The following PRKCA variants were observed in gnomAD, a reference collection of about 807,000 sequenced individuals.
PRKCA encodes the protein protein kinase C alpha.
In PRKCA, 27 loss-of-function variants were observed where a neutral mutation model predicts 87.0. The observed-to-expected ratio is 0.31, with a 90% CI of 0.23 to 0.43. The LOEUF (loss-of-function observed/expected upper bound fraction) is 0.43, where lower values mean the gene tolerates loss of function less well. PRKCA is among the 20% of genes least tolerant of loss of function. PRKCA has a pLI of 1.00. For missense variants in PRKCA, 518 were observed against 852.3 expected (o/e 0.61, Z 4.88); for synonymous variants, 329 against 311.1 (o/e 1.06, Z -0.61).
At chr17:66,716,994 C>A (rs758903299) in intron 8 of PRKCA, among the ~76,000 whole-genome samples, 3 of 152,150 alleles carry the variant, frequency 2.0e-5, no homozygotes, top group Non-Finnish European at 2.9e-5. Flanking sequence ...TGTATGGCTG[C>A]AAAATTTCCT....
At position 66,474,581 on chromosome 17, in the gene PRKCA, A is replaced by G. The variant is rs142730737; in HGVS notation, c.206-21620A>G. On this transcript the variant is annotated intron_variant, in intron 2 of 16. Transcript: ENST00000413366. ...GACCAAGTTTGCTGCTTCAAGATCCATATTCCACCTTCAGCTGTAAAATGT... is the reference window on the plus strand; with the variant it reads ...GACCAAGTTTGCTGCTTCAAGATCCGTATTCCACCTTCAGCTGTAAAATGT... Among the ~76,000 whole-genome samples, 19 of 152,346 alleles carry G rather than the reference A, an allele frequency of 1.2e-4. 1 individual carries two copies. Among genetic ancestry groups the G allele is most frequent in the Middle Eastern group, 3.4e-3 (1 of 294 alleles).
intron 3 of PRKCA, among the ~76,000 whole-genome samples, chr17:66,527,693 C>G (rs1598742589): frequency 6.6e-6 from 1 of 152,284 alleles, no homozygotes; most frequent in African/African-American, 2.4e-5. Context: ...GCTGTTTATT[C>G]TTCTTTCTAC....
At chr17:66,479,842 T>G (rs753134139) in intron 2 of PRKCA, among the ~76,000 whole-genome samples, 42 of 151,900 alleles carry the variant, frequency 2.8e-4, no homozygotes, top group Non-Finnish European at 5.9e-4. Flanking sequence ...CAACACACAG[T>G]GAGGCCTGTC....
chr17:66,731,330 C>T (rs1973881537), intron 8 of PRKCA, among the ~76,000 whole-genome samples: 1 of 119,398 alleles, frequency 8.4e-6, no homozygotes, highest in African/African-American at 3.4e-5. Flanking sequence ...GCCTGGGCAA[C>T]AAGAGCAAAA....
rs57941055 is a variant in PRKCA, at chr17:66,694,480, C to CAAA, written c.918+5458_918+5460dup. On this transcript the variant is annotated intron_variant, in intron 8 of 16. Coordinates refer to ENST00000413366, the MANE Select transcript of PRKCA (RefSeq NM_002737.3). ...TGGGCGACAGAGCGAGACTCTGTCT[C>CAAA]AAAAAAAAAAAAAAAAAAAAAAAAA... 5.7e-4 allele frequency among the ~76,000 whole-genome samples: 20 copies of CAAA among 35,180 alleles called. 1 individual carries two copies. Among genetic ancestry groups the CAAA allele is most frequent in the African/African-American group, 1.8e-3 (13 of 7,404 alleles). The allele number at this position is 35,180 out of a possible 152,430, so 23.1% of individuals were successfully genotyped here. A position where few individuals can be genotyped will look rare whatever the true frequency, so the allele number is the denominator to read the frequency against.
At chr17:66,619,539 A>G (rs528825405) in intron 3 of PRKCA, among the ~76,000 whole-genome samples, 31 of 152,320 alleles carry the variant, frequency 2.0e-4, no homozygotes, top group Middle Eastern at 3.4e-3. Flanking sequence ...AATATCCATT[A>G]AGGCTGGTTT....
intron 2 of PRKCA, among the ~76,000 whole-genome samples, chr17:66,329,426 G>C (rs965832918): frequency 6.6e-6 from 1 of 152,194 alleles, no homozygotes; most frequent in East Asian, 1.9e-4. Context: ...GCTGAGAGAG[G>C]CAGCCAGGAC....
At chr17:66,531,523 G>A (rs903998912) in intron 3 of PRKCA, among the ~76,000 whole-genome samples, 3 of 152,160 alleles carry the variant, frequency 2.0e-5, no homozygotes, top group Non-Finnish European at 2.9e-5. Flanking sequence ...GGATGTAGGC[G>A]ATCGCTTCCT....
chr17:66,516,888 T>C (rs376571071), intron 3 of PRKCA, among the ~76,000 whole-genome samples: 3 of 152,296 alleles, frequency 2.0e-5, no homozygotes, highest in African/African-American at 7.2e-5. Context: ...GCAGCAGTGA[T>C]GGTTCCCCTA....
At chr17:66,721,472 G>A (rs1262753741) in intron 8 of PRKCA, among the ~76,000 whole-genome samples, 1 of 151,730 alleles carries the variant, frequency 6.6e-6, no homozygotes, top group East Asian at 1.9e-4. Context: ...TATTTTTATG[G>A]TTATTTCTTG....
intron 16 of PRKCA, among the ~76,000 whole-genome samples, chr17:66,799,069 G>GGTGGTA (rs1975793506): frequency 7.6e-6 from 1 of 131,930 alleles, no homozygotes; most frequent in Non-Finnish European, 1.7e-5. Flanking sequence ...TGGTGGTGGT[G>GGTGGTA]GTGGTGGTGG....
chr17:66,751,140 T>C (rs749843659), intron 13 of PRKCA, among the ~76,000 whole-genome samples: 5 of 152,256 alleles, frequency 3.3e-5, no homozygotes, highest in Non-Finnish European at 7.3e-5. Context: ...CTTTGTAACA[T>C]TGCCCAGGCG....
chr17:66,641,505 G>A (rs767212112), intron 4 of PRKCA, 39 bp downstream of exon 4: 29 of 1,480,034 alleles, frequency 2.0e-5, no homozygotes, highest in South Asian at 3.6e-5. Context: ...GCGAGGCTCT[G>A]TAGCTCATGC....
At chr17:66,683,883 A>G (rs1489683875) in intron 5 of PRKCA, among the ~76,000 whole-genome samples, 1 of 152,116 alleles carries the variant, frequency 6.6e-6, no homozygotes, top group Non-Finnish European at 1.5e-5. Context: ...TTGACTCCAC[A>G]TCTTGATCAC....
intron 3 of PRKCA, among the ~76,000 whole-genome samples, chr17:66,578,135 T>TAAA (rs1491585607): frequency 2.1e-5 from 3 of 140,406 alleles, no homozygotes; most frequent in Admixed American, 7.1e-5. Context: ...AGACTGAATT[T>TAAA]AAAACAAAAC....
At chr17:66,745,697 A>G (rs1030832342) in intron 13 of PRKCA, among the ~76,000 whole-genome samples, 2 of 152,168 alleles carry the variant, frequency 1.3e-5, no homozygotes, top group African/African-American at 4.8e-5. Flanking sequence ...AAATAAATAA[A>G]TAAATACAAT....
chr17:66,444,704 G>C (rs1913944666), intron 2 of PRKCA, among the ~76,000 whole-genome samples: 1 of 152,172 alleles, frequency 6.6e-6, no homozygotes, highest in Non-Finnish European at 1.5e-5. Context: ...ATTTCGGGGA[G>C]AATCTTCCCC....
At chr17:66,801,142 C>A (rs1975889519) in intron 16 of PRKCA, among the ~76,000 whole-genome samples, 1 of 152,198 alleles carries the variant, frequency 6.6e-6, no homozygotes, top group Non-Finnish European at 1.5e-5. Flanking sequence ...TACGGCTGCT[C>A]CTGCCTGATT....
At chr17:66,694,551 A>G (rs1972871701) in intron 8 of PRKCA, among the ~76,000 whole-genome samples, 1 of 151,626 alleles carries the variant, frequency 6.6e-6, no homozygotes, top group African/African-American at 2.4e-5. Context: ...AAGTATAATC[A>G]TAATGATTGT....
Sources: allele counts gnomAD v4.1 joint callset (sites outside exome capture counted in the v4.1 genomes callset), GRCh38; gene constraint gnomAD v4.1.1; transcripts MANE v1.5; gene names NCBI Gene and HGNC (gene_info 2026-07-23, HGNC 2026-07-21).